Variants in MGAT4D observed in about 807,000 individuals in gnomAD.
MGAT4D encodes the protein alpha-1,3-mannosyl-glycoprotein 4-beta-N-acetylglucosaminyltransferase-like protein MGAT4D.
MGAT4D carries 34 observed loss-of-function variants against 15.9 expected under a neutral mutation model. The ratio of observed to expected loss-of-function variants is 2.14; its 90% confidence interval spans 1.62 to 2.84. MGAT4D has a LOEUF of 2.84. MGAT4D is among the 30% of genes most tolerant of loss of function. The probability of loss-of-function intolerance (pLI) is 0.00; values close to 1 mark genes in which losing one functional copy is unlikely to be tolerated. For synonymous variants in MGAT4D, 112 were observed against 48.2 expected (o/e 2.33, Z -5.49); for missense variants, 327 against 140.2 (o/e 2.33, Z -6.73).
At chr4:140,490,080 T>C (rs1239181353) in intron 1 of MGAT4D, among the ~76,000 whole-genome samples, 1 of 152,206 alleles carries the variant, frequency 6.6e-6, no homozygotes, top group Non-Finnish European at 1.5e-5. Flanking sequence ...TCTCACTAAA[T>C]GTCCAATTTC....
intron 10 of MGAT4D, among the ~76,000 whole-genome samples, chr4:140,445,054 G>GCA (rs113416307): frequency 1.3e-5 from 2 of 151,408 alleles, no homozygotes; most frequent in Non-Finnish European, 2.9e-5. Context: ...GCTAATGTTT[G>GCA]TATTTTTTTT....
intron 10 of MGAT4D, among the ~76,000 whole-genome samples, chr4:140,446,077 T>C (rs1730100850): frequency 6.6e-6 from 1 of 151,782 alleles, no homozygotes; most frequent in South Asian, 2.1e-4. Flanking sequence ...GCTGGTTTTT[T>C]ATTATGGATT....
intron 5 of MGAT4D, among the ~76,000 whole-genome samples, chr4:140,470,168 T>C (rs1731828088): frequency 6.6e-6 from 1 of 152,274 alleles, no homozygotes; most frequent in Admixed American, 6.5e-5. Context: ...CTCAGTCCTC[T>C]GAAACTTGTT....
chr4:140,467,874 TA>T (rs1731644836), intron 5 of MGAT4D, among the ~76,000 whole-genome samples: 2 of 152,000 alleles, frequency 1.3e-5, no homozygotes, highest in African/African-American at 4.8e-5. Context: ...ATGAGTCCTT[TA>T]AAAATTATAT....
At chr4:140,491,656 G>A (rs1733508587) in intron 1 of MGAT4D, among the ~76,000 whole-genome samples, 1 of 151,870 alleles carries the variant, frequency 6.6e-6, no homozygotes, top group Non-Finnish European at 1.5e-5. Flanking sequence ...AGGGGCTCTG[G>A]CAAAGGCAGA....
intron 1 of MGAT4D, among the ~76,000 whole-genome samples, chr4:140,489,814 T>C (rs2126865960): frequency 6.6e-6 from 1 of 152,340 alleles, no homozygotes; most frequent in East Asian, 1.9e-4. Flanking sequence ...ACATGTCTCC[T>C]AGTAAACATG....
At chr4:140,443,564 C>T (rs963533330) in intron 10 of MGAT4D, 120 bp from the exon 11 acceptor site, 2 of 335,260 alleles carry the variant, frequency 6.0e-6, no homozygotes, top group East Asian at 1.1e-4. Context: ...TTTGATACCA[C>T]CCACACTTTT....
Position 140,443,432 on chromosome 4 carries a change from ATC to A in MGAT4D, c.*2_*3del, listed in dbSNP as rs2126648578. On this transcript the variant is annotated 3_prime_UTR_variant, in exon 11 of 11. Coordinates refer to ENST00000511113, the MANE Select transcript of MGAT4D (RefSeq NM_001277353.2). Reference sequence around the variant, plus strand: ...GGTATTACAGAGTTTCTTCTTATTTATCTTCATATTTTCTGAAATGAAAACAA... The same window carrying A: ...GGTATTACAGAGTTTCTTCTTATTTATTCATATTTTCTGAAATGAAAACAA... 1 of 543,422 alleles carries A rather than the reference ATC, an allele frequency of 1.8e-6. No individual in the cohort carries two copies. Among genetic ancestry groups the A allele is most frequent in the East Asian group, 3.5e-5 (1 of 28,832 alleles). 33.7% of individuals were successfully genotyped at this position (543,422 alleles called of 1,614,324 possible).
At chr4:140,485,933 C>T (rs1215042746) in intron 1 of MGAT4D, among the ~76,000 whole-genome samples, 2 of 148,812 alleles carry the variant, frequency 1.3e-5, no homozygotes, top group Admixed American at 6.8e-5. Context: ...AGTGGACAGC[C>T]TGTGGCAAAA....
In MGAT4D at chr4:140,451,409, CT is replaced by C; in HGVS notation, c.1116del (p.Ile374TyrfsTer5). ...ACTAAAGTTACATTTCAAAATCTTA[CT>C]TTTTCATATTGTTCTTTTCTAGGGA... ...SSFPRKEQYEKKI is the reference protein window; with the variant it reads ...SSFPRKEQYEXKI On this transcript the variant is annotated frameshift_variant and splice_region_variant, in exon 10 of 11. Transcript: ENST00000511113. LOFTEE classifies it high-confidence loss of function. The C allele has an allele frequency of 1.7e-6, 1 of 585,638 alleles. No individual in the cohort carries two copies. Among genetic ancestry groups the C allele is most frequent in the Non-Finnish European group, 3.1e-6 (1 of 325,902 alleles). The allele number at this position is 585,638 out of a possible 1,614,324, so 36.3% of individuals were successfully genotyped here. A position where few individuals can be genotyped will look rare whatever the true frequency, so the allele number is the denominator to read the frequency against.
chr4:140,479,657 T>A, intron 2 of MGAT4D, 30 bp from the exon 3 acceptor site: 1 of 405,652 alleles, frequency 2.5e-6, no homozygotes, highest in Non-Finnish European at 4.4e-6. Context: ...CTTCTGAGTA[T>A]ATGATCATAG....
At chr4:140,485,809 TTAAAAAAAAAAAAAAAAA>T in intron 1 of MGAT4D, among the ~76,000 whole-genome samples, 1 of 10,506 alleles carries the variant, frequency 9.5e-5, no homozygotes, top group Non-Finnish European at 2.1e-4. Flanking sequence ...AGACCCTGTC[TTAAAAAAAAAAAAAAAAA>T]AAAAAAAAAA....
chr4:140,485,258 G>A (rs572643958), intron 1 of MGAT4D, among the ~76,000 whole-genome samples: 42 of 152,222 alleles, frequency 2.8e-4, no homozygotes, highest in African/African-American at 1.0e-3. Context: ...GTAGGGATAT[G>A]GATGAAATTG....
chr4:140,461,427 G>C (rs976914475), intron 7 of MGAT4D, among the ~76,000 whole-genome samples: 1 of 152,078 alleles, frequency 6.6e-6, no homozygotes, highest in African/African-American at 2.4e-5. Flanking sequence ...AATGTGGAGA[G>C]ATTTATAGGG....
At chr4:140,491,669 T>G (rs1306405665) in intron 1 of MGAT4D, among the ~76,000 whole-genome samples, 1 of 150,432 alleles carries the variant, frequency 6.6e-6, no homozygotes, top group African/African-American at 2.5e-5. Flanking sequence ...AAGGCAGAGG[T>G]AGGGAGGAAG....
At chr4:140,444,085 T>G (rs1195222908) in intron 10 of MGAT4D, among the ~76,000 whole-genome samples, 1 of 152,154 alleles carries the variant, frequency 6.6e-6, no homozygotes, top group African/African-American at 2.4e-5. Context: ...TATTTTCACA[T>G]AAAAGAGAAT....
intron 3 of MGAT4D, among the ~76,000 whole-genome samples, chr4:140,475,496 G>A (rs534647362): frequency 6.6e-6 from 1 of 152,074 alleles, no homozygotes; most frequent in South Asian, 2.1e-4. Context: ...CTAAGATTGA[G>A]GCTACCAATC....
At chr4:140,492,149 G>A (rs145050434) in intron 1 of MGAT4D, among the ~76,000 whole-genome samples, 107 of 152,248 alleles carry the variant, frequency 7.0e-4, no homozygotes, top group African/African-American at 2.5e-3. Context: ...TGCCTTGTGG[G>A]GGGGAAAATG....
chr4:140,463,936 G>A (rs1731360099), intron 6 of MGAT4D, among the ~76,000 whole-genome samples: 2 of 152,180 alleles, frequency 1.3e-5, no homozygotes, highest in South Asian at 2.1e-4. Flanking sequence ...GCTAGGAGTA[G>A]GGACTCTGTA....
Sources: allele counts gnomAD v4.1 joint callset (sites outside exome capture counted in the v4.1 genomes callset), GRCh38; gene constraint gnomAD v4.1.1; transcripts MANE v1.5; gene names NCBI Gene and HGNC (gene_info 2026-07-23, HGNC 2026-07-21).